Variants in ACSS2 observed in about 807,000 individuals in gnomAD.
ACSS2 encodes acetyl-coenzyme A synthetase, cytoplasmic.
Under a neutral mutation model 90.6 loss-of-function variants are expected in ACSS2, and 58 were observed. The ratio of observed to expected loss-of-function variants is 0.64; its 90% CI spans 0.52 to 0.80. ACSS2 has a LOEUF of 0.80. Ranked by LOEUF, ACSS2 falls within the 30% of genes least tolerant of loss-of-function variation. The pLI, the probability that ACSS2 is intolerant of heterozygous loss-of-function variation, is 0.00. For synonymous variants in ACSS2, 300 were observed against 330.9 expected (o/e 0.91, Z 1.01); for missense variants, 759 against 912.0 (o/e 0.83, Z 2.16).
At chr20:34,915,468 A>C (rs1467432418) in intron 7 of ACSS2, among the ~76,000 whole-genome samples, 2 of 152,144 alleles carry the variant, frequency 1.3e-5, no homozygotes, top group African/African-American at 2.4e-5. Context: ...TGGATCTTAG[A>C]GAGGTAACAG....
chr20:34,877,925 T>TAGATAGATAGATAGAC (rs1669839267), intron 1 of ACSS2, among the ~76,000 whole-genome samples: 2 of 149,490 alleles, frequency 1.3e-5, no homozygotes, highest in Non-Finnish European at 3.0e-5. Flanking sequence ...GATAGATAGA[T>TAGATAGATAGATAGAC]AGATAGATAG....
chr20:34,894,176 C>T (rs1463613714), intron 2 of ACSS2, among the ~76,000 whole-genome samples: 1 of 152,112 alleles, frequency 6.6e-6, no homozygotes, highest in African/African-American at 2.4e-5. Flanking sequence ...GAGGTGTCCT[C>T]CAAACTGCCA....
At chr20:34,875,149 A>T (rs771177625), upstream of ACSS2, 7 of 534,530 alleles carry the variant, frequency 1.3e-5, no homozygotes, top group Non-Finnish European at 1.5e-5. Context: ...TGAGAGATGG[A>T]GGAGGGTCCT....
intron 2 of ACSS2, among the ~76,000 whole-genome samples, chr20:34,884,922 G>A (rs978108205): frequency 6.6e-6 from 1 of 152,152 alleles, no homozygotes; most frequent in Admixed American, 6.5e-5. Context: ...GAAATAGGCT[G>A]GGCATGGTGC....
intron 13 of ACSS2, 37 bp from the exon 14 acceptor site, chr20:34,923,286 T>C (rs747463650): frequency 1.4e-6 from 2 of 1,426,282 alleles, no homozygotes; most frequent in Non-Finnish European, 2.0e-6. Flanking sequence ...TGAGACAGCA[T>C]AGCAAATGTG....
intron 5 of ACSS2, 36 bp downstream of exon 5, chr20:34,913,861 C>A (rs941625405): frequency 6.3e-7 from 1 of 1,596,540 alleles, no homozygotes. Context: ...CAGAACCCCC[C>A]ATACCTCAAG....
At chr20:34,879,749 A>G (rs1471985788) in intron 1 of ACSS2, among the ~76,000 whole-genome samples, 2 of 152,048 alleles carry the variant, frequency 1.3e-5, no homozygotes, top group Non-Finnish European at 2.9e-5. Context: ...AAACAAAAAC[A>G]CCTCAGCTTT....
At chr20:34,880,405 G>T (rs999368275) in intron 1 of ACSS2, among the ~76,000 whole-genome samples, 1 of 151,432 alleles carries the variant, frequency 6.6e-6, no homozygotes, top group Admixed American at 6.6e-5. Flanking sequence ...AACAATGTGC[G>T]CCTGTAGTTC....
intron 2 of ACSS2, among the ~76,000 whole-genome samples, chr20:34,886,214 C>T (rs568945715): frequency 1.3e-5 from 2 of 152,154 alleles, no homozygotes; most frequent in East Asian, 1.9e-4. Flanking sequence ...CTCTTCTTCT[C>T]AATATAATTA....
At chr20:34,918,349 A>G (rs1444892067) in intron 7 of ACSS2, among the ~76,000 whole-genome samples, 1 of 152,234 alleles carries the variant, frequency 6.6e-6, no homozygotes, top group Non-Finnish European at 1.5e-5. Context: ...ATTTTGGACA[A>G]ATTCAAGGGA....
intron 2 of ACSS2, among the ~76,000 whole-genome samples, chr20:34,885,985 T>TTTTTTTTTTTTTTTGAGACGGA (rs2080182485): frequency 6.6e-6 from 1 of 151,918 alleles, no homozygotes; most frequent in African/African-American, 2.4e-5. Context: ...AATTATTTTA[T>TTTTTTTTTTTTTTTGAGACGGA]GTTTATAGTA....
chr20:34,887,332 T>C (rs1406890766), intron 2 of ACSS2, among the ~76,000 whole-genome samples: 1 of 152,220 alleles, frequency 6.6e-6, no homozygotes, highest in Non-Finnish European at 1.5e-5. Flanking sequence ...AAAGAGAAAT[T>C]AGCCACATTA....
In ACSS2 at chr20:34,914,408, C is replaced by A. The variant is rs780140788; in HGVS notation, c.805C>A (p.Pro269Thr). 10 of 1,613,770 alleles carry A rather than the reference C, an allele frequency of 6.2e-6. No homozygotes were observed. The highest frequency in any genetic ancestry group is 1.3e-5 in the African/African-American group (1 of 74,924). Residue 269 changes from proline (P) to threonine (T), a missense_variant, in exon 7 of 18, where the codon CCA (proline) becomes ACA (threonine). Coordinates refer to ENST00000360596, the MANE Select transcript of ACSS2 (RefSeq NM_018677.4). ...GMGDSTSQSP[P>T]IKRSCPDVQI... ...GGGTGACTCCACCAGCCAGTCCCCC[C>A]CAATTAAGAGGTCATGCCCAGATGT...
At chr20:34,916,983 C>T (rs1343128552) in intron 7 of ACSS2, among the ~76,000 whole-genome samples, 2 of 152,212 alleles carry the variant, frequency 1.3e-5, no homozygotes, top group Admixed American at 6.5e-5. Flanking sequence ...ACCTAATTCA[C>T]AATCAAAGGT....
Position 34,920,628 on chromosome 20 carries a change from G to A in ACSS2, c.1062G>A (p.Trp354Ter). The A allele has an allele frequency of 1.2e-6, 2 of 1,614,208 alleles. No individual in the cohort carries two copies. Among genetic ancestry groups the A allele is most frequent in the Non-Finnish European group, 8.5e-7 (1 of 1,180,034 alleles). ...VFDFHAEDVF[W>*]CTADIGWITG... The stretch of plus-strand genomic sequence containing the variant: ...ACTTCCATGCAGAGGATGTGTTCTG[G>A]TGCACGGCAGACATTGGTTGGATCA... The change falls in exon 9 of 18, where the codon TGG (tryptophan) becomes TGA (stop). Residue 354 changes from tryptophan to a stop codon, truncating the protein, a stop_gained. Coordinates refer to ENST00000360596, the MANE Select transcript of ACSS2 (RefSeq NM_018677.4). LOFTEE classifies it high-confidence loss of function.
chr20:34,892,915 A>G (rs558513738), intron 2 of ACSS2, among the ~76,000 whole-genome samples: 1 of 152,246 alleles, frequency 6.6e-6, no homozygotes, highest in East Asian at 1.9e-4. Flanking sequence ...ATGAAGTGAT[A>G]CTGAGTCCAC....
intron 14 of ACSS2, among the ~76,000 whole-genome samples, chr20:34,923,647 C>T (rs112075283): frequency 1.4e-4 from 21 of 152,234 alleles, no homozygotes; most frequent in African/African-American, 3.4e-4. Context: ...CTTCCAATCA[C>T]GGCAGAAAGC....
rs1303044442 is a variant in ACSS2 at position 34,927,440 on chromosome 20, C to A, written c.*226C>A. On this transcript the variant is annotated 3_prime_UTR_variant, in exon 18 of 18. Transcript: ENST00000360596. This position sits in a 1 kb window ranked among gnomAD's most constrained non-coding sequence, Gnocchi z 4.2. The stretch of plus-strand genomic sequence containing the variant: ...CTCAGTCTGCTGTGCCTCCAGACTG[C>A]AGAGCTCTCAGAACCCAGAACAGAG... 3.4e-6 allele frequency: 2 copies of A among 596,434 alleles called. No individual in the cohort carries two copies. The highest frequency in any genetic ancestry group is 6.0e-5 in the Admixed American group (2 of 33,410). The allele number at this position is 596,434 out of a possible 1,614,324, so 36.9% of individuals were successfully genotyped here. A position where few individuals can be genotyped will look rare whatever the true frequency, so the allele number is the denominator to read the frequency against.
At chr20:34,881,017 A>ATTTTT (rs71761863) in intron 1 of ACSS2, among the ~76,000 whole-genome samples, 1 of 75,532 alleles carries the variant, frequency 1.3e-5, no homozygotes, top group Admixed American at 1.4e-4. Context: ...TTTCCTCCAA[A>ATTTTT]TTTTTTTTTT....
Sources: gnomAD v4.1 joint callset for allele counts (sites outside exome capture counted in the v4.1 genomes callset) on GRCh38, gnomAD v4.1.1 for gene constraint, Gnocchi (gnomAD v3.1) non-coding constraint, MANE v1.5 for transcripts, NCBI Gene and HGNC (gene_info 2026-07-23, HGNC 2026-07-21) for gene names.